CHD7: variants seen among roughly 807,000 people sequenced by gnomAD.
CHD7 encodes ATP-dependent chromatin remodeler CHD7.
In CHD7, 24 loss-of-function variants were observed where a neutral mutation model predicts 307.3. The ratio of observed to expected loss-of-function variants is 0.08; its 90% CI spans 0.06 to 0.11. The LOEUF (loss-of-function observed/expected upper bound fraction) is 0.11, where lower values mean the gene tolerates loss of function less well. Among genes scored for constraint, CHD7 ranks in the 10% least tolerant of loss-of-function variants. The pLI is 1.00. For missense variants in CHD7, 3,106 were observed against 3,727.1 expected, an observed-to-expected ratio of 0.83 and a Z score of 4.34; for synonymous variants, 1,363 against 1,349.9, an observed-to-expected ratio of 1.01 and a Z score of -0.21.
At chr8:60,850,378 G>A (rs529478923) in intron 25 of CHD7, 115 bp from the exon 26 acceptor site, 1 of 1,287,336 alleles carries the variant, frequency 7.8e-7, no homozygotes, top group Non-Finnish European at 1.1e-6. Context: ...ATTCAACAGA[G>A]ATGCTAACCT....
At position 60,795,080 on chromosome 8, in the gene CHD7, C is replaced by T; in HGVS notation, c.2191C>T (p.Pro731Ser). The T allele has an allele frequency of 6.2e-7, 1 of 1,613,784 alleles. No individual in the cohort carries two copies. The change falls in exon 4 of 38, where the codon CCC becomes TCC. Residue 731 changes from proline to serine, a missense_variant. By Grantham distance (74) the Pro-to-Ser change is moderately conservative (BLOSUM62 -1). Transcript: ENST00000423902. ...TGAAAATTCAGACTTAGACAAAACA[C>T]CCCCACCATCTCCTCCTCCTGAAGA... is the stretch of plus-strand genomic sequence containing the variant. ...GSENSDLDKT[P>S]PPSPPPEEDE...
At chr8:60,790,715 GAC>G (rs1283902472) in intron 3 of CHD7, among the ~76,000 whole-genome samples, 11 of 152,164 alleles carry the variant, frequency 7.2e-5, no homozygotes, top group Non-Finnish European at 1.5e-4. Context: ...AACGTAATAA[GAC>G]ACAGTTTCTT....
At chr8:60,811,317 C>G (rs1812797230) in intron 7 of CHD7, among the ~76,000 whole-genome samples, 2 of 152,176 alleles carry the variant, frequency 1.3e-5, no homozygotes, top group Admixed American at 6.5e-5. Context: ...CCTTTCCACC[C>G]CATTCCTGCT....
At chr8:60,817,803 G>A (rs1487702742) in intron 8 of CHD7, among the ~76,000 whole-genome samples, 1 of 152,138 alleles carries the variant, frequency 6.6e-6, no homozygotes, top group Non-Finnish European at 1.5e-5. Context: ...CATTGGATGA[G>A]CTGAAATCAT....
intron 21 of CHD7, among the ~76,000 whole-genome samples, chr8:60,844,107 C>A (rs915192479): frequency 2.2e-4 from 33 of 152,218 alleles, no homozygotes; most frequent in Admixed American, 1.2e-3. Flanking sequence ...CTGCTGCTGC[C>A]TGCCCCCGTA....
intron 6 of CHD7, 47 bp from the exon 7 acceptor site, chr8:60,808,170 C>A: frequency 2.4e-6 from 3 of 1,272,626 alleles, no homozygotes; most frequent in Non-Finnish European, 3.4e-6. Flanking sequence ...TTAAAATATT[C>A]TAGTAGATGG....
intron 2 of CHD7, among the ~76,000 whole-genome samples, chr8:60,760,794 A>G (rs1049064787): frequency 3.6e-4 from 54 of 151,982 alleles, no homozygotes; most frequent in African/African-American, 1.3e-3. Flanking sequence ...CCACAATGAG[A>G]TACCATCTCA....
chr8:60,830,296 A>G, intron 14 of CHD7, 26 bp from the exon 15 acceptor site: 1 of 1,599,466 alleles, frequency 6.3e-7, no homozygotes, highest in Non-Finnish European at 8.5e-7. Context: ...TCATGACACT[A>G]GTATTTACTT....
intron 2 of CHD7, among the ~76,000 whole-genome samples, chr8:60,779,008 C>G (rs1244236775): frequency 6.6e-6 from 1 of 152,094 alleles, no homozygotes; most frequent in Non-Finnish European, 1.5e-5. Flanking sequence ...TCTGTGTATT[C>G]TTCTTCAAAC....
chr8:60,704,523 CA>C (rs1422421804), intron 1 of CHD7, among the ~76,000 whole-genome samples: 1 of 151,410 alleles, frequency 6.6e-6, no homozygotes, highest in Non-Finnish European at 1.5e-5. Flanking sequence ...ACCCCAAGAG[CA>C]ATGGGAAGGA....
At chr8:60,767,065 T>C (rs1233963663) in intron 2 of CHD7, among the ~76,000 whole-genome samples, 2 of 152,174 alleles carry the variant, frequency 1.3e-5, no homozygotes, top group Non-Finnish European at 2.9e-5. Flanking sequence ...CTGCATGTCA[T>C]GCGAAGAAGC....
At chr8:60,684,283 T>C (rs1805773021) in intron 1 of CHD7, among the ~76,000 whole-genome samples, 1 of 152,224 alleles carries the variant, frequency 6.6e-6, no homozygotes, top group Non-Finnish European at 1.5e-5. Flanking sequence ...CCTCTGTGCA[T>C]GTCAGGATTG....
At chr8:60,680,959 T>C (rs1433057219) in intron 1 of CHD7, among the ~76,000 whole-genome samples, 1 of 152,208 alleles carries the variant, frequency 6.6e-6, no homozygotes, top group African/African-American at 2.4e-5. Flanking sequence ...GAGGCCCTGA[T>C]TTTTTATTTT....
chr8:60,724,227 G>T (rs140166746), intron 1 of CHD7, among the ~76,000 whole-genome samples: 1 of 152,308 alleles, frequency 6.6e-6, no homozygotes, highest in South Asian at 2.1e-4. Flanking sequence ...AGCAGACTTC[G>T]TGTGGTTGTG....
intron 2 of CHD7, among the ~76,000 whole-genome samples, chr8:60,760,616 G>A (rs1456629885): frequency 6.7e-6 from 1 of 149,232 alleles, no homozygotes; most frequent in African/African-American, 2.5e-5. Context: ...CTAATATCCA[G>A]AATCTACAAT....
chr8:60,773,272 G>A (rs1810799609), intron 2 of CHD7, among the ~76,000 whole-genome samples: 1 of 152,220 alleles, frequency 6.6e-6, no homozygotes, highest in African/African-American at 2.4e-5. Context: ...CCAGAGAAAT[G>A]ATGGTTTCTG....
Position 60,683,062 on chromosome 8 carries a change from CAT to C in CHD7, c.-175+3981_-175+3982del, listed in dbSNP as rs1220783529. Among the ~76,000 whole-genome samples the C allele has an allele frequency of 3.3e-5, 5 of 152,290 alleles. No homozygotes were observed. In the South Asian group the frequency reaches 6.2e-4, roughly 19 times the overall value. On this transcript the variant is annotated intron_variant, in intron 1 of 37. Coordinates refer to ENST00000423902, the MANE Select transcript of CHD7 (RefSeq NM_017780.4). ...GACCCTTTCAATTGTCTTGTTCACT[CAT>C]GTGGGCATATTTGTGTATCTTAAAA...
chr8:60,780,307 A>G (rs1415529412), intron 2 of CHD7, among the ~76,000 whole-genome samples: 1 of 152,198 alleles, frequency 6.6e-6, no homozygotes, highest in Admixed American at 6.5e-5. Flanking sequence ...TGTCACATTA[A>G]TTTATTTGGG....
chr8:60,854,600 T>C, intron 32 of CHD7, 77 bp downstream of exon 32: 2 of 1,317,474 alleles, frequency 1.5e-6, no homozygotes, highest in Non-Finnish European at 2.1e-6. Context: ...GCTTGATTTT[T>C]CAAGTAATTT....
Sources: gnomAD v4.1 joint callset for allele counts (sites outside exome capture counted in the v4.1 genomes callset) on GRCh38, gnomAD v4.1.1 for gene constraint, MANE v1.5 for transcripts, NCBI Gene and HGNC (gene_info 2026-07-23, HGNC 2026-07-21) for gene names.